The following BNC2 variants were observed in gnomAD, a reference collection of about 807,000 sequenced individuals.
BNC2 encodes zinc finger protein basonuclin-2.
In BNC2, 20 loss-of-function variants were observed where a neutral mutation model predicts 76.3. That is an observed-to-expected ratio of 0.26 (90% CI 0.18 to 0.38). The LOEUF (loss-of-function observed/expected upper bound fraction) is 0.38. Ranked by LOEUF, BNC2 falls within the 10% of genes least tolerant of loss-of-function variation. The probability of loss-of-function intolerance (pLI) is 1.00; values close to 1 mark genes in which losing one functional copy is unlikely to be tolerated. For synonymous variants in BNC2, 582 were observed against 514.8 expected, an observed-to-expected ratio of 1.13 and a Z score of -1.77; for missense variants, 1,382 against 1,399.8, an observed-to-expected ratio of 0.99 and a Z score of 0.20.
At position 16,590,807 on chromosome 9, in the gene BNC2, T is replaced by TCA. The variant is rs544435732; in HGVS notation, c.331-7724_331-7723dup. ...TGGATGGAAGAGTGAGACCTTCATC[T>TCA]CACACACACACACAAAAGACGTCTA... is the stretch of plus-strand genomic sequence containing the variant. On this transcript the variant is annotated intron_variant, in intron 3 of 6. Transcript: ENST00000380672. Among the ~76,000 whole-genome samples, 468 of 151,788 alleles carry TCA rather than the reference T, an allele frequency of 3.1e-3. 4 individuals are homozygous for TCA. The highest frequency in any genetic ancestry group is 0.011 in the African/African-American group (441 of 41,358).
chr9:16,467,799 A>C (rs1163506749), intron 5 of BNC2, among the ~76,000 whole-genome samples: 1 of 146,200 alleles, frequency 6.8e-6, no homozygotes, highest in Non-Finnish European at 1.5e-5. Context: ...AACCTGCACA[A>C]TGTGCACATG....
chr9:16,480,758 G>C (rs1014045552), intron 5 of BNC2, among the ~76,000 whole-genome samples: 1 of 152,180 alleles, frequency 6.6e-6, no homozygotes, highest in African/African-American at 2.4e-5. Flanking sequence ...GGCAGGGCTC[G>C]GGACCTGCAG....
At chr9:16,613,837 CA>C (rs762942679) in intron 3 of BNC2, among the ~76,000 whole-genome samples, 6 of 152,120 alleles carry the variant, frequency 3.9e-5, no homozygotes, top group East Asian at 3.9e-4. Flanking sequence ...TGGAAGACTG[CA>C]AAATTTTCTG....
chr9:16,679,644 T>C (rs926909090), intron 3 of BNC2, among the ~76,000 whole-genome samples: 2 of 152,208 alleles, frequency 1.3e-5, no homozygotes, highest in East Asian at 3.9e-4. Context: ...GGTGACAAGT[T>C]GTCCTCTGAA....
chr9:16,438,808 G>A (rs977489632), intron 5 of BNC2, among the ~76,000 whole-genome samples: 4 of 152,020 alleles, frequency 2.6e-5, no homozygotes, highest in Admixed American at 1.3e-4. Context: ...CGTTACCACC[G>A]TGAGTAGAAA....
At chr9:16,443,878 T>G (rs1821178823) in intron 5 of BNC2, among the ~76,000 whole-genome samples, 1 of 152,150 alleles carries the variant, frequency 6.6e-6, no homozygotes, top group South Asian at 2.1e-4. Flanking sequence ...TTTGGGGTGG[T>G]GAGAATGTTG....
At chr9:16,830,554 A>G (rs1337497877) in intron 1 of BNC2, among the ~76,000 whole-genome samples, 1 of 152,178 alleles carries the variant, frequency 6.6e-6, no homozygotes, top group Non-Finnish European at 1.5e-5. Context: ...ATTTTTTCGC[A>G]TTATTTTTGA....
intron 1 of BNC2, among the ~76,000 whole-genome samples, chr9:16,773,916 G>C (rs1231947554): frequency 6.6e-6 from 1 of 152,114 alleles, no homozygotes; most frequent in Non-Finnish European, 1.5e-5. Context: ...CCCAATCTCA[G>C]CTGTCATATA....
chr9:16,424,457 T>C (rs762064557), intron 6 of BNC2, among the ~76,000 whole-genome samples: 2 of 131,744 alleles, frequency 1.5e-5, no homozygotes, highest in Non-Finnish European at 3.4e-5. Flanking sequence ...GAAAAATAAC[T>C]GAGGCCCCAC....
chr9:16,626,667 C>T (rs1168216857), intron 3 of BNC2, among the ~76,000 whole-genome samples: 1 of 151,900 alleles, frequency 6.6e-6, no homozygotes, highest in African/African-American at 2.4e-5. Context: ...GCCTACGAAA[C>T]GTAAAAGGCA....
intron 3 of BNC2, among the ~76,000 whole-genome samples, chr9:16,592,969 A>C (rs753774448): frequency 3.3e-5 from 5 of 152,144 alleles, no homozygotes; most frequent in Non-Finnish European, 7.4e-5. Context: ...TATCCGGAAA[A>C]ATCCAGTACA....
intron 3 of BNC2, among the ~76,000 whole-genome samples, chr9:16,690,569 C>T (rs1352367374): frequency 6.6e-6 from 1 of 152,136 alleles, no homozygotes; most frequent in African/African-American, 2.4e-5. Context: ...AGTACTTATC[C>T]ATTTTCAAGG....
chr9:16,524,338 C>G (rs540940846), intron 5 of BNC2, among the ~76,000 whole-genome samples: 1 of 152,080 alleles, frequency 6.6e-6, no homozygotes, highest in African/African-American at 2.4e-5. Context: ...TTGCCTAGGT[C>G]GTTAGGAGTT....
intron 3 of BNC2, among the ~76,000 whole-genome samples, chr9:16,611,650 A>T (rs1170211462): frequency 6.6e-6 from 1 of 152,224 alleles, no homozygotes; most frequent in African/African-American, 2.4e-5. Flanking sequence ...TTACACTCTG[A>T]TAAAGCAAGA....
Position 16,451,484 on chromosome 9 carries a change from C to A in BNC2, c.670-13960G>T, listed in dbSNP as rs182154432. On this transcript the variant is annotated intron_variant, in intron 5 of 6. Coordinates refer to ENST00000380672, the MANE Select transcript of BNC2 (RefSeq NM_017637.6). ...ACAGAATAAATAATAAATCCTCTTA[C>A]CTGGCATCTGAAGTCCCCTCAATAT... Among the ~76,000 whole-genome samples the A allele has an allele frequency of 1.3e-4, 19 of 151,410 alleles. No homozygotes were observed. The East Asian group carries it at 2.7e-3, about 22-fold the overall frequency.
chr9:16,821,173 C>T (rs147112526), intron 1 of BNC2, among the ~76,000 whole-genome samples: 4,767 of 149,746 alleles, frequency 0.032, 260 homozygotes, highest in African/African-American at 0.11. Flanking sequence ...GCGGAGGTTG[C>T]AGTGAGCCAA....
intron 1 of BNC2, among the ~76,000 whole-genome samples, chr9:16,828,884 G>C (rs985354561): frequency 6.6e-6 from 1 of 152,120 alleles, no homozygotes; most frequent in African/African-American, 2.4e-5. Context: ...AGATGTGTCG[G>C]CTGTCAGGAA....
At chr9:16,489,178 C>T (rs924544628) in intron 5 of BNC2, among the ~76,000 whole-genome samples, 2 of 152,002 alleles carry the variant, frequency 1.3e-5, no homozygotes, top group African/African-American at 4.8e-5. Context: ...AACATATTAC[C>T]AATACAAAAA....
intron 3 of BNC2, among the ~76,000 whole-genome samples, chr9:16,622,326 C>A (rs1820887268): frequency 6.6e-6 from 1 of 152,128 alleles, no homozygotes; most frequent in African/African-American, 2.4e-5. Flanking sequence ...CCTCTGATGA[C>A]TTTTAGACTA....
Sources: gnomAD v4.1 joint callset for allele counts (sites outside exome capture counted in the v4.1 genomes callset) on GRCh38, gnomAD v4.1.1 for gene constraint, MANE v1.5 for transcripts, NCBI Gene and HGNC (gene_info 2026-07-23, HGNC 2026-07-21) for gene names.